The following TLL2 variants were observed in gnomAD, a reference collection of about 807,000 sequenced individuals.
TLL2 encodes the protein tolloid-like protein 2.
In TLL2, 106 loss-of-function variants were observed where a neutral mutation model predicts 123.0. The ratio of observed to expected loss-of-function variants is 0.86; its 90% CI spans 0.74 to 1.01. The LOEUF is 1.01. TLL2 is among the 50% of genes least tolerant of loss of function. The pLI, the probability that TLL2 is intolerant of heterozygous loss-of-function variation, is 0.00. For synonymous variants in TLL2, 494 were observed against 516.8 expected (o/e 0.96, Z 0.60); for missense variants, 1,332 against 1,336.7 (o/e 1.00, Z 0.06).
chr10:96,395,149 C>T (rs748340991), intron 13 of TLL2, 38 bp downstream of exon 13: 2 of 1,556,678 alleles, frequency 1.3e-6, no homozygotes, highest in Admixed American at 1.9e-5. Context: ...AATATTTCTT[C>T]TTGTGCCTAA....
In TLL2 at chr10:96,405,223, T is replaced by G. The variant is rs769676066; in HGVS notation, c.1267+9A>C. 2.5e-6 allele frequency: 4 copies of G among 1,613,484 alleles called. No homozygotes were observed. The South Asian group carries it at 4.4e-5, about 18-fold the overall frequency. ...ACTCCTCTCTTAACGGTGTCTAAAGTCAACTTACCCAAAAGGGGGGCTTTT... is the reference window on the plus strand; with the variant it reads ...ACTCCTCTCTTAACGGTGTCTAAAGGCAACTTACCCAAAAGGGGGGCTTTT... On this transcript the variant is annotated intron_variant, in intron 10 of 20. Transcript: ENST00000357947.
At chr10:96,504,559 G>A (rs1272919391) in intron 1 of TLL2, among the ~76,000 whole-genome samples, 1 of 151,668 alleles carries the variant, frequency 6.6e-6, no homozygotes, top group African/African-American at 2.4e-5. Flanking sequence ...GCAGTGAGCT[G>A]GGATCCCACC....
At chr10:96,483,166 G>A (rs2134105766) in intron 1 of TLL2, among the ~76,000 whole-genome samples, 1 of 152,254 alleles carries the variant, frequency 6.6e-6, no homozygotes, top group Non-Finnish European at 1.5e-5. Flanking sequence ...AATGACCCTT[G>A]GGCCTCCATC....
chr10:96,479,225 G>A (rs1049746431), intron 2 of TLL2, among the ~76,000 whole-genome samples: 3 of 152,134 alleles, frequency 2.0e-5, no homozygotes, highest in Non-Finnish European at 4.4e-5. Flanking sequence ...ACACCAAAAA[G>A]AAATCCTAAA....
At chr10:96,378,686 C>T (rs1232118392) in intron 17 of TLL2, among the ~76,000 whole-genome samples, 7 of 152,334 alleles carry the variant, frequency 4.6e-5, no homozygotes, top group Non-Finnish European at 7.4e-5. Flanking sequence ...AGCTAGGGAA[C>T]GGCAGAGCCA....
At chr10:96,419,850 T>G (rs1168080355) in intron 7 of TLL2, among the ~76,000 whole-genome samples, 2 of 152,218 alleles carry the variant, frequency 1.3e-5, no homozygotes, top group African/African-American at 2.4e-5. Context: ...ATGAATTCCT[T>G]TCATCTTTAT....
At chr10:96,477,664 G>A (rs1356911858) in intron 2 of TLL2, among the ~76,000 whole-genome samples, 1 of 152,146 alleles carries the variant, frequency 6.6e-6, no homozygotes, top group African/African-American at 2.4e-5. Context: ...TTTCATCCTC[G>A]CAGCATTACT....
chr10:96,459,686 A>AT (rs1564911505), intron 2 of TLL2, among the ~76,000 whole-genome samples: 6 of 57,010 alleles, frequency 1.1e-4, no homozygotes, highest in African/African-American at 2.1e-4. Context: ...AAAAAAAAAA[A>AT]AAAAAAAAAA....
intron 10 of TLL2, among the ~76,000 whole-genome samples, chr10:96,397,898 C>T (rs1846357015): frequency 6.6e-6 from 1 of 152,124 alleles, no homozygotes. Flanking sequence ...AGCAGGGAGC[C>T]CCTAAAAGGA....
At chr10:96,373,905 T>G (rs1846110300) in intron 18 of TLL2, 96 bp from the exon 19 acceptor site, 3 of 1,083,808 alleles carry the variant, frequency 2.8e-6, no homozygotes, top group Non-Finnish European at 4.0e-6. Context: ...GGCGAGGCAG[T>G]GCAGGGAGAC....
intron 9 of TLL2, 110 bp downstream of exon 9, chr10:96,410,249 G>T: frequency 1.4e-6 from 1 of 739,322 alleles, no homozygotes; most frequent in Non-Finnish European, 2.3e-6. Flanking sequence ...GCATACAGTG[G>T]GTGCTTATAA....
rs550822282 is a variant in TLL2, at chr10:96,375,947, A to T, written c.2448+745T>A. ...TGGCAAAAGGGGTTCTTTATTCTCC[A>T]AAGTGTGGGAGTCCCTGGGGGTTGA... On this transcript the variant is annotated intron_variant, in intron 18 of 20. Transcript: ENST00000357947. Among the ~76,000 whole-genome samples, 5 of 152,314 alleles carry T rather than the reference A, an allele frequency of 3.3e-5. No individual in the cohort carries two copies. In the East Asian group the frequency reaches 7.7e-4, roughly 23 times the overall value.
intron 1 of TLL2, among the ~76,000 whole-genome samples, chr10:96,494,393 C>T (rs1248223983): frequency 6.6e-6 from 1 of 152,250 alleles, no homozygotes; most frequent in Non-Finnish European, 1.5e-5. Context: ...AGGCCCAGGG[C>T]AGCCCCCTGA....
chr10:96,458,587 C>G (rs1359748623), intron 2 of TLL2, among the ~76,000 whole-genome samples: 1 of 45,952 alleles, frequency 2.2e-5, no homozygotes, highest in African/African-American at 9.5e-5. Context: ...GACTTCGTCT[C>G]AAAAAAAAAA....
In TLL2 at chr10:96,367,915, G is replaced by A; in HGVS notation, c.*173C>T. On this transcript the variant is annotated 3_prime_UTR_variant, in exon 21 of 21. Transcript: ENST00000357947. ...GAACATTTTTCTCTCCACCTTGTTG[G>A]CCAAACTTACAAGACTTTCATTCAA... 9.2e-6 allele frequency: 7 copies of A among 759,190 alleles called. No individual in the cohort carries two copies. In the East Asian group the frequency reaches 1.1e-4, roughly 12 times the overall value. 47.0% of individuals were successfully genotyped at this position (759,190 alleles called of 1,614,324 possible).
chr10:96,472,489 C>T (rs1324678048), intron 2 of TLL2, among the ~76,000 whole-genome samples: 6 of 152,298 alleles, frequency 3.9e-5, no homozygotes, highest in African/African-American at 1.4e-4. Flanking sequence ...GGGCTGAGTG[C>T]AGTGGCTCGC....
chr10:96,446,832 C>T (rs998918412), intron 2 of TLL2, among the ~76,000 whole-genome samples: 3 of 152,210 alleles, frequency 2.0e-5, no homozygotes, highest in Non-Finnish European at 4.4e-5. Flanking sequence ...CACCAAATAT[C>T]TGTTTGACCT....
intron 18 of TLL2, among the ~76,000 whole-genome samples, chr10:96,376,285 A>G (rs1364181181): frequency 1.3e-5 from 2 of 152,236 alleles, no homozygotes; most frequent in Non-Finnish European, 2.9e-5. Flanking sequence ...TCATTTCTAG[A>G]GTGGAAATGG....
chr10:96,378,319 G>A (rs2134053831), intron 17 of TLL2, among the ~76,000 whole-genome samples: 1 of 152,336 alleles, frequency 6.6e-6, no homozygotes, highest in Admixed American at 6.5e-5. Context: ...ATAAATGTTC[G>A]AAATCCCTTC....
Sources: allele counts gnomAD v4.1 joint callset (sites outside exome capture counted in the v4.1 genomes callset), GRCh38; gene constraint gnomAD v4.1.1; transcripts MANE v1.5; gene names NCBI Gene and HGNC (gene_info 2026-07-23, HGNC 2026-07-21).